GPM6B: variants seen among roughly 807,000 people sequenced by gnomAD.
The protein encoded by GPM6B is neuronal membrane glycoprotein M6-b.
GPM6B carries 4 observed loss-of-function variants against 27.2 expected under a neutral mutation model. That is an observed-to-expected ratio of 0.15 (90% CI 0.07 to 0.34). The LOEUF (loss-of-function observed/expected upper bound fraction) is 0.34. Among genes scored for constraint, GPM6B ranks in the 10% least tolerant of loss-of-function variants. The pLI is 1.00. For synonymous variants in GPM6B, 124 were observed against 103.1 expected (o/e 1.20, Z -1.23); for missense variants, 183 against 261.9 (o/e 0.70, Z 2.08).
chrX:13,799,288 C>A (rs946602466), intron 2 of GPM6B, among the ~76,000 whole-genome samples: 10 of 93,442 alleles, frequency 1.1e-4, no homozygotes, highest in Non-Finnish European at 1.5e-4. Flanking sequence ...TCTCTGCTCA[C>A]TGCAACCTCT....
chrX:13,825,640 G>A (rs1471073659), intron 1 of GPM6B, among the ~76,000 whole-genome samples: 1 of 112,854 alleles, frequency 8.9e-6, no homozygotes, highest in African/African-American at 3.2e-5. Flanking sequence ...AGCCTGGAAT[G>A]GAAACCACTT....
intron 1 of GPM6B, among the ~76,000 whole-genome samples, chrX:13,844,465 G>A (rs1283584360): frequency 8.9e-6 from 1 of 112,330 alleles, no homozygotes; most frequent in Non-Finnish European, 1.9e-5. Flanking sequence ...GTTAAAATTT[G>A]CTTTAATCAA....
chrX:13,911,980 T>C (rs955212388), intron 1 of GPM6B, among the ~76,000 whole-genome samples: 1 of 112,256 alleles, frequency 8.9e-6, no homozygotes, highest in Admixed American at 9.5e-5. Flanking sequence ...ACCAATCTCC[T>C]GGCTGACCTG....
intron 1 of GPM6B, among the ~76,000 whole-genome samples, chrX:13,879,285 T>G (rs947222742): frequency 4.5e-5 from 5 of 112,085 alleles, no homozygotes; most frequent in Admixed American, 9.4e-5. Flanking sequence ...AAGATCCACA[T>G]AAGAACAGAT....
At chrX:13,839,619 CCG>C (rs2049548306) in intron 1 of GPM6B, among the ~76,000 whole-genome samples, 2 of 111,019 alleles carry the variant, frequency 1.8e-5, no homozygotes, top group Admixed American at 1.9e-4. Context: ...TTCTCATGTA[CCG>C]CACACACACA....
rs780645839 is a variant in GPM6B at position 13,861,119 on chromosome X, TAC to T, written c.-197-75313_-197-75312del. 4.9e-5 allele frequency among the ~76,000 whole-genome samples: 5 copies of T among 101,142 alleles called. No homozygotes were observed. In the East Asian group the frequency reaches 1.6e-3, roughly 32 times the overall value. The allele number at this position is 101,142 out of a possible 115,157, so 87.8% of individuals were successfully genotyped here. On this transcript the variant is annotated intron_variant, in intron 1 of 6. Coordinates refer to the GPM6B transcript ENST00000398361. Reference sequence around the variant, plus strand: ...ACACATACATATACACACATATATATACACATACATATATATATAATATACAT... The same window carrying T: ...ACACATACATATACACACATATATATACATACATATATATATAATATACAT...
Position 13,855,072 on chromosome X carries a change from G to T in GPM6B, c.-197-69264C>A, listed in dbSNP as rs769565728. Among the ~76,000 whole-genome samples, 19 of 109,713 alleles carry T rather than the reference G, an allele frequency of 1.7e-4. No individual in the cohort carries two copies. In the South Asian group the frequency reaches 5.2e-3, roughly 30 times the overall value. On this transcript the variant is annotated intron_variant, in intron 1 of 6. Transcript: ENST00000398361. ...CTCGCTCTGTCACCCAGGCTGGAGT[G>T]CAGTGGTGCGATCTCGGTTCACTGC...
At chrX:13,773,979 T>TTTTG in intron 7 of GPM6B, 1 of 689,748 alleles carries the variant, frequency 1.4e-6, no homozygotes, top group Non-Finnish European at 1.7e-6. Context: ...TTTTTTTTTT[T>TTTTG]CCAGAGAACT....
intron 3 of GPM6B, chrX:13,783,762 A>G: frequency 2.2e-6 from 1 of 460,527 alleles, no homozygotes; most frequent in South Asian, 2.7e-5. Flanking sequence ...ATCCAGTTGT[A>G]ATCTTTTAAT....
chrX:13,914,894 C>T (rs946350139), intron 1 of GPM6B, among the ~76,000 whole-genome samples: 1 of 111,359 alleles, frequency 9.0e-6, no homozygotes, highest in African/African-American at 3.3e-5. Context: ...AATGACAGAC[C>T]TCTGGGGTGT....
chrX:13,845,476 A>T (rs913286481), intron 1 of GPM6B, among the ~76,000 whole-genome samples: 1 of 112,236 alleles, frequency 8.9e-6, no homozygotes, highest in Non-Finnish European at 1.9e-5. Flanking sequence ...ATATACAGAG[A>T]TGATAGATTT....
intron 1 of GPM6B, among the ~76,000 whole-genome samples, chrX:13,916,528 C>A (rs1374524512): frequency 9.0e-6 from 1 of 111,610 alleles, no homozygotes; most frequent in Non-Finnish European, 1.9e-5. Flanking sequence ...TGGTTAAGGG[C>A]AGCCACAAAG....
intron 2 of GPM6B, among the ~76,000 whole-genome samples, chrX:13,786,661 A>G (rs1348826809): frequency 9.0e-6 from 1 of 111,388 alleles, no homozygotes; most frequent in Non-Finnish European, 1.9e-5. Flanking sequence ...TGAAGGAGAA[A>G]AAAGAACAGA....
intron 1 of GPM6B, among the ~76,000 whole-genome samples, chrX:13,880,375 C>A (rs1237791426): frequency 9.0e-6 from 1 of 111,271 alleles, no homozygotes; most frequent in African/African-American, 3.3e-5. Flanking sequence ...CCAGAGTGAC[C>A]ATTTAAAAAG....
At chrX:13,910,485 A>G (rs1348650084) in intron 1 of GPM6B, among the ~76,000 whole-genome samples, 1 of 113,200 alleles carries the variant, frequency 8.8e-6, no homozygotes, top group Non-Finnish European at 1.9e-5. Flanking sequence ...GTATCTTGGC[A>G]TTAGCCTCAT....
intron 2 of GPM6B, among the ~76,000 whole-genome samples, chrX:13,791,664 T>A (rs961946461): frequency 1.9e-4 from 21 of 112,110 alleles, no homozygotes; most frequent in African/African-American, 6.8e-4. Flanking sequence ...AAGGCTATTT[T>A]GTCTCCAGTA....
intron 1 of GPM6B, among the ~76,000 whole-genome samples, chrX:13,862,321 G>T (rs1265431699): frequency 9.0e-6 from 1 of 111,597 alleles, no homozygotes; most frequent in Non-Finnish European, 1.9e-5. Context: ...GTAAACCACT[G>T]GCCCTTCTCT....
chrX:13,782,139 G>A (rs776101936), intron 4 of GPM6B, among the ~76,000 whole-genome samples: 1 of 112,264 alleles, frequency 8.9e-6, no homozygotes, highest in Non-Finnish European at 1.9e-5. Flanking sequence ...GGTGCCAGTG[G>A]CCAGAGATGC....
chrX:13,844,940 A>G (rs5935664), intron 1 of GPM6B, among the ~76,000 whole-genome samples: 44,721 of 109,861 alleles, frequency 0.41, 6,870 homozygotes, highest in Non-Finnish European at 0.47. Context: ...GTACCTTCTA[A>G]TATGTGCCAG....
Sources: gnomAD v4.1 joint callset for allele counts (sites outside exome capture counted in the v4.1 genomes callset) on GRCh38, gnomAD v4.1.1 for gene constraint, MANE v1.5 for transcripts, NCBI Gene and HGNC (gene_info 2026-07-23, HGNC 2026-07-21) for gene names.